CLCN4: variants seen among roughly 807,000 people sequenced by gnomAD.
CLCN4 encodes the protein H(+)/Cl(-) exchange transporter 4.
Under a neutral mutation model 41.7 loss-of-function variants are expected in CLCN4, and 1 was observed. That is an observed-to-expected ratio of 0.02 (90% CI 0.01 to 0.11). The LOEUF (loss-of-function observed/expected upper bound fraction) is 0.11, where lower values mean the gene tolerates loss of function less well. CLCN4 is among the 10% of genes least tolerant of loss of function. The pLI, the probability that CLCN4 is intolerant of heterozygous loss-of-function variation, is 1.00. For missense variants in CLCN4, 287 were observed against 661.0 expected, an observed-to-expected ratio of 0.43 and a Z score of 6.20; for synonymous variants, 277 against 285.8, an observed-to-expected ratio of 0.97 and a Z score of 0.31.
At chrX:10,215,552 G>C (rs1924682894) in intron 11 of CLCN4, among the ~76,000 whole-genome samples, 1 of 111,816 alleles carries the variant, frequency 8.9e-6, no homozygotes, top group Admixed American at 9.5e-5. Flanking sequence ...GTTTTTTTAA[G>C]GTTAAGTAGG....
At chrX:10,200,427 T>C (rs1924211390) in intron 6 of CLCN4, among the ~76,000 whole-genome samples, 1 of 112,512 alleles carries the variant, frequency 8.9e-6, no homozygotes, top group Non-Finnish European at 1.9e-5. Context: ...GTAGGCATTT[T>C]TGACTCAAGC....
At chrX:10,190,382 T>C (rs1005777845) in intron 4 of CLCN4, among the ~76,000 whole-genome samples, 9 of 111,863 alleles carry the variant, frequency 8.0e-5, no homozygotes, top group African/African-American at 2.9e-4. Context: ...GACATTGATA[T>C]ACACAATTAT....
intron 2 of CLCN4, among the ~76,000 whole-genome samples, chrX:10,167,468 G>C (rs911452776): frequency 8.9e-6 from 1 of 112,493 alleles, no homozygotes; most frequent in Non-Finnish European, 1.9e-5. Context: ...ACCTCCAGGT[G>C]TTCATGCTCA....
intron 12 of CLCN4, among the ~76,000 whole-genome samples, chrX:10,221,845 C>T (rs1168376378): frequency 1.8e-5 from 2 of 111,632 alleles, no homozygotes; most frequent in African/African-American, 6.5e-5. Flanking sequence ...GAAGTGGTCA[C>T]AGCAGGTGTG....
At chrX:10,192,162 G>A (rs1159861870) in intron 4 of CLCN4, among the ~76,000 whole-genome samples, 1 of 109,767 alleles carries the variant, frequency 9.1e-6, no homozygotes, top group Non-Finnish European at 1.9e-5. Flanking sequence ...ACAGGGTCTG[G>A]ATGCCAGGCC....
intron 2 of CLCN4, among the ~76,000 whole-genome samples, chrX:10,180,686 G>A (rs925715748): frequency 2.1e-5 from 2 of 96,274 alleles, no homozygotes; most frequent in African/African-American, 7.7e-5. Context: ...AGAATAGCTT[G>A]AACCCAGGAG....
chrX:10,224,243 G>GAC (rs1303351570), intron 12 of CLCN4, among the ~76,000 whole-genome samples: 1 of 109,538 alleles, frequency 9.1e-6, no homozygotes, highest in East Asian at 2.9e-4. Flanking sequence ...ACTGTCTCCA[G>GAC]GGTGAAGACA....
chrX:10,180,569 A>G (rs1208688821), intron 2 of CLCN4, among the ~76,000 whole-genome samples: 1 of 109,784 alleles, frequency 9.1e-6, no homozygotes, highest in Non-Finnish European at 1.9e-5. Flanking sequence ...GGAGTTTGAA[A>G]CCAGCCTGAC....
intron 4 of CLCN4, among the ~76,000 whole-genome samples, chrX:10,190,504 C>A (rs987249409): frequency 9.0e-6 from 1 of 111,037 alleles, no homozygotes; most frequent in African/African-American, 3.3e-5. Flanking sequence ...ATTACCGGAC[C>A]CTGTGGAAAG....
At chrX:10,202,638 C>CA (rs759089094) in intron 6 of CLCN4, among the ~76,000 whole-genome samples, 502 of 19,638 alleles carry the variant, frequency 0.026, 51 homozygotes, top group Non-Finnish European at 0.039. Context: ...GACCCTGCCT[C>CA]AAAAAAAAAA....
Position 10,220,648 on chromosome X carries a change from C to T in CLCN4, c.1976-13C>T, listed in dbSNP as rs766996957. 1 of 1,195,584 alleles carries T rather than the reference C, an allele frequency of 8.4e-7. No individual in the cohort carries two copies. ...TTTTGTGTGGCTCATTGTTCCTGCTCACCCCATTCTAGAGAACGCCAGACA... is the reference window on the plus strand; with the variant it reads ...TTTTGTGTGGCTCATTGTTCCTGCTTACCCCATTCTAGAGAACGCCAGACA... On this transcript the variant is annotated splice_polypyrimidine_tract_variant and intron_variant, in intron 11 of 12. Coordinates refer to ENST00000380833, the MANE Select transcript of CLCN4 (RefSeq NM_001830.4).
rs1923662094 is a variant in CLCN4, at chrX:10,180,799, GAAAGA to G, written c.-11-4210_-11-4206del. On this transcript the variant is annotated intron_variant, in intron 2 of 12. Coordinates refer to ENST00000380833, the MANE Select transcript of CLCN4 (RefSeq NM_001830.4). ...AAAAAAAAAAAAAAAAAAAAAGAAA[GAAAGA>G]AAAGAAAAGAAATACTGCCACCCAA... Among the ~76,000 whole-genome samples the G allele has an allele frequency of 8.5e-5, 7 of 82,208 alleles. No individual in the cohort carries two copies. The South Asian group carries it at 2.4e-3, about 29-fold the overall frequency. The allele number at this position is 82,208 out of a possible 115,157, so 71.4% of individuals were successfully genotyped here. A position where few individuals can be genotyped will look rare whatever the true frequency, so the allele number is the denominator to read the frequency against.
intron 2 of CLCN4, among the ~76,000 whole-genome samples, chrX:10,182,067 G>A (rs1923699304): frequency 1.8e-5 from 2 of 111,571 alleles, no homozygotes; most frequent in South Asian, 7.5e-4. Flanking sequence ...TAATGGTTGT[G>A]TAGGAGAGAT....
At chrX:10,229,808 G>A (rs983060409) in intron 12 of CLCN4, among the ~76,000 whole-genome samples, 1 of 111,757 alleles carries the variant, frequency 8.9e-6, no homozygotes, top group Non-Finnish European at 1.9e-5. Context: ...TGGACATTTG[G>A]GTTGGTTCCA....
intron 4 of CLCN4, among the ~76,000 whole-genome samples, chrX:10,190,603 C>T (rs184099138): frequency 2.7e-5 from 3 of 111,651 alleles, no homozygotes; most frequent in Non-Finnish European, 5.6e-5. Context: ...TAGCATTAAG[C>T]GGAACCAAGC....
Position 10,208,265 on chromosome X carries a change from C to T in CLCN4, c.1064C>T (p.Ala355Val). 11 of 1,211,273 alleles carry T rather than the reference C, an allele frequency of 9.1e-6. No individual in the cohort carries two copies. Among genetic ancestry groups the T allele is most frequent in the Non-Finnish European group, 1.2e-5 (11 of 895,227 alleles). ...ACCCTCTTCATCCGCTGCAACATCGCCTGGTGCAGGAGGCGCAAGACCACC... is the reference window on the plus strand; with the variant it reads ...ACCCTCTTCATCCGCTGCAACATCGTCTGGTGCAGGAGGCGCAAGACCACC... ...WGTLFIRCNI[A>V]WCRRRKTTRL... The change falls in exon 9 of 13, where the codon GCC becomes GTC. Residue 355 changes from alanine to valine, a missense_variant. By Grantham distance (64) the Ala-to-Val change is moderately conservative. This residue lies in a region of CLCN4 where 94 missense variants were observed against 177.9 expected (regional missense o/e 0.53). Coordinates refer to ENST00000380833, the MANE Select transcript of CLCN4 (RefSeq NM_001830.4).
At chrX:10,204,409 G>A (rs1356037010) in intron 6 of CLCN4, among the ~76,000 whole-genome samples, 2 of 111,407 alleles carry the variant, frequency 1.8e-5, no homozygotes, top group African/African-American at 3.3e-5. Context: ...AATGTTGAGC[G>A]TCTTCTTCAT....
At chrX:10,206,825 G>C in intron 8 of CLCN4, 49 bp downstream of exon 8, 1 of 909,547 alleles carries the variant, frequency 1.1e-6, no homozygotes, top group Non-Finnish European at 1.5e-6. Flanking sequence ...AGCAAGGCCC[G>C]TTGAGGGTTA....
intron 4 of CLCN4, 99 bp downstream of exon 4, chrX:10,187,713 T>C: frequency 3.1e-6 from 2 of 651,540 alleles, no homozygotes; most frequent in Non-Finnish European, 5.0e-6. Context: ...CGCGTGTCGC[T>C]TGTCGCTTTT....
Sources: allele counts gnomAD v4.1 joint callset (sites outside exome capture counted in the v4.1 genomes callset), GRCh38; gene constraint gnomAD v4.1.1; regional missense constraint gnomAD v4.1.1; transcripts MANE v1.5; gene names NCBI Gene and HGNC (gene_info 2026-07-23, HGNC 2026-07-21).